Variants in TAB2 observed in about 807,000 individuals in gnomAD.
The protein encoded by TAB2 is TGF-beta-activated kinase 1 and MAP3K7-binding protein 2.
Under a neutral mutation model 65.0 loss-of-function variants are expected in TAB2, and 3 were observed. That is an observed-to-expected ratio of 0.05 (90% CI 0.02 to 0.12). The LOEUF is 0.12. Among genes scored for constraint, TAB2 ranks in the 10% least tolerant of loss-of-function variants. TAB2 has a pLI of 1.00. For missense variants in TAB2, 623 were observed against 840.3 expected, an observed-to-expected ratio of 0.74 and a Z score of 3.20; for synonymous variants, 298 against 285.1, an observed-to-expected ratio of 1.05 and a Z score of -0.46.
chr6:149,377,814 TAGTCAGAG>T (rs1192724444), intron 2 of TAB2, among the ~76,000 whole-genome samples, 196 bp from the exon 3 acceptor site: 5 of 152,022 alleles, frequency 3.3e-5, no homozygotes, highest in African/African-American at 7.2e-5. Context: ...TTCACTTTGT[TAGTCAGAG>T]AGAGCTTTTC....
In TAB2 at chr6:149,399,189, G is replaced by GT. The variant is rs770486050; in HGVS notation, c.1939+6dup. ...CTGTGCCACCAAAACCCAAAGGTTAGTGTATCCATTAAATGTGAAAACTGT... is the reference window on the plus strand; with the variant it reads ...CTGTGCCACCAAAACCCAAAGGTTAGTTGTATCCATTAAATGTGAAAACTGT... On this transcript the variant is annotated splice_donor_region_variant and intron_variant, in intron 6 of 6. Coordinates refer to ENST00000637181, the MANE Select transcript of TAB2 (RefSeq NM_001292034.3). The GT allele has an allele frequency of 5.0e-6, 8 of 1,612,556 alleles. No individual in the cohort carries two copies. The highest frequency in any genetic ancestry group is 6.8e-6 in the Non-Finnish European group (8 of 1,178,932).
At position 149,397,971 on chromosome 6, in the gene TAB2, TGAA is replaced by T. The variant is rs781741565; in HGVS notation, c.1771_1773del (p.Glu591del). 8.1e-6 allele frequency: 13 copies of T among 1,613,162 alleles called. No individual in the cohort carries two copies. The East Asian group carries it at 1.8e-4, about 22-fold the overall frequency. On this transcript the variant is annotated inframe_deletion, in exon 5 of 7. Transcript: ENST00000637181. ...ACTTACATAGAATTATTTTTCAGCT[TGAA>T]GAAATGCAGCAGCTGAGAAGTTGTA...
chr6:149,301,796 T>C (rs1326718705), intron 1 of TAB2, among the ~76,000 whole-genome samples: 1 of 152,200 alleles, frequency 6.6e-6, no homozygotes, highest in Non-Finnish European at 1.5e-5. Context: ...TTTAAAATCT[T>C]ATTTTTATAA....
At chr6:149,276,949 GT>G (rs1302732363) in intron 1 of TAB2, among the ~76,000 whole-genome samples, 2 of 152,166 alleles carry the variant, frequency 1.3e-5, no homozygotes, top group Non-Finnish European at 2.9e-5. Context: ...CATGGGGGTG[GT>G]TTCCCCCATA....
intron 1 of TAB2, among the ~76,000 whole-genome samples, chr6:149,225,561 G>A (rs960017115): frequency 7.2e-5 from 11 of 152,128 alleles, no homozygotes; most frequent in Non-Finnish European, 1.0e-4. Flanking sequence ...ACAGAGCAGG[G>A]CAAAGGACAG....
In TAB2 at chr6:149,379,477, G is replaced by A. The variant is rs768565483; in HGVS notation, c.1562G>A (p.Arg521Gln). 2.5e-5 allele frequency: 41 copies of A among 1,614,034 alleles called. No individual in the cohort carries two copies. The highest frequency in any genetic ancestry group is 3.2e-5 in the Non-Finnish European group (38 of 1,180,002). ...LAHVDRISETRKLSMGSDDAA... is the reference protein window; with the variant it reads ...LAHVDRISETQKLSMGSDDAA... Reference sequence around the variant, plus strand: ...CATGTGGATAGAATAAGTGAAACACGGAAACTGAGTATGGGATCTGATGAT... The same window carrying A: ...CATGTGGATAGAATAAGTGAAACACAGAAACTGAGTATGGGATCTGATGAT... The change falls in exon 3 of 7, where the codon CGG becomes CAG. Residue 521 changes from arginine (R) to glutamine (Q), a missense_variant. By Grantham distance (43) the Arg-to-Gln change is conservative. Transcript: ENST00000637181.
At chr6:149,270,344 T>C (rs1562395105) in intron 1 of TAB2, among the ~76,000 whole-genome samples, 1 of 152,204 alleles carries the variant, frequency 6.6e-6, no homozygotes, top group Non-Finnish European at 1.5e-5. Context: ...CTTTATCAGA[T>C]ATATGTTTTG....
intron 6 of TAB2, among the ~76,000 whole-genome samples, chr6:149,403,313 TACAC>T (rs1242180541): frequency 3.0e-5 from 2 of 66,870 alleles, no homozygotes; most frequent in Non-Finnish European, 5.8e-5. Context: ...TATATATATA[TACAC>T]ACACATATAT....
In TAB2 at chr6:149,298,118, GA is replaced by G. The variant is rs1189442699; in HGVS notation, c.-121+79350del. Among the ~76,000 whole-genome samples the G allele has an allele frequency of 5.3e-5, 8 of 151,708 alleles. 1 individual carries two copies. In the South Asian group the frequency reaches 1.5e-3, roughly 28 times the overall value. On this transcript the variant is annotated intron_variant, in intron 1 of 1. Transcript: ENST00000606202. ...ATTAGTACTAAATCACAATTTAATT[GA>G]AAAAAAATTAAGCAGTCTTAAAGGA...
chr6:149,312,981 A>G (rs573148), upstream of TAB2, among the ~76,000 whole-genome samples: 57,337 of 151,680 alleles, frequency 0.38, 10,778 homozygotes, highest in Admixed American at 0.43. Context: ...CCGTTATCTC[A>G]TCCTTTTGTA....
chr6:149,379,161 T>C lies in TAB2; in HGVS notation c.1246T>C (p.Ser416Pro), dbSNP rs764481514. The C allele has an allele frequency of 6.2e-7, 1 of 1,614,182 alleles. No individual in the cohort carries two copies. The highest frequency in any genetic ancestry group is 8.5e-7 in the Non-Finnish European group (1 of 1,180,024). ...CTTCATATCCACAAACTCTGGAGCA[T>C]CTGCTGCCTCCAGGAACATGTCTGG... ...TLFISTNSGA[S>P]AASRNMSGQV... Residue 416 changes from serine to proline, a missense_variant, in exon 3 of 7, where the codon TCT becomes CCT. Around this residue, in one of 3 missense-constraint regions of TAB2, gnomAD observed 550 missense variants for 665.7 expected, o/e 0.83. Transcript: ENST00000637181.
intron 1 of TAB2, among the ~76,000 whole-genome samples, chr6:149,263,214 G>C (rs970632848): frequency 1.3e-5 from 2 of 152,174 alleles, no homozygotes; most frequent in South Asian, 4.1e-4. Flanking sequence ...AAAATGCTGA[G>C]AGGTTTTGAT....
chr6:149,280,612 C>G (rs528646771), intron 1 of TAB2, among the ~76,000 whole-genome samples: 5 of 152,248 alleles, frequency 3.3e-5, no homozygotes, highest in Non-Finnish European at 5.9e-5. Context: ...GAATTCCATA[C>G]TCAGCTAAAA....
At chr6:149,310,533 C>T (rs995215048) in intron 1 of TAB2, among the ~76,000 whole-genome samples, 1 of 151,438 alleles carries the variant, frequency 6.6e-6, no homozygotes, top group Non-Finnish European at 1.5e-5. Flanking sequence ...TTTGTTTTCT[C>T]AACCTTATGT....
intron 6 of TAB2, among the ~76,000 whole-genome samples, chr6:149,409,367 C>T (rs928045254): frequency 1.3e-5 from 2 of 151,994 alleles, no homozygotes; most frequent in Non-Finnish European, 2.9e-5. Context: ...GAGGTGATTA[C>T]ATCATGTTCA....
intron 1 of TAB2, among the ~76,000 whole-genome samples, chr6:149,257,927 CAGAG>C (rs1778073544): frequency 6.6e-6 from 1 of 152,172 alleles, no homozygotes; most frequent in African/African-American, 2.4e-5. Flanking sequence ...AAATGCTAGA[CAGAG>C]AGAAGTTCAA....
chr6:149,288,480 A>G (rs915198130), intron 1 of TAB2, among the ~76,000 whole-genome samples: 5 of 152,194 alleles, frequency 3.3e-5, no homozygotes, highest in Admixed American at 6.5e-5. Flanking sequence ...GATGTGAATG[A>G]TAAGGGAGAG....
intron 1 of TAB2, among the ~76,000 whole-genome samples, chr6:149,219,090 G>A (rs1047018670): frequency 1.3e-5 from 2 of 152,138 alleles, no homozygotes; most frequent in Non-Finnish European, 2.9e-5. Context: ...AATTACAATA[G>A]TCTCTGGGGA....
intron 3 of TAB2, 107 bp from the exon 4 acceptor site, chr6:149,397,497 A>G: frequency 7.6e-7 from 1 of 1,310,602 alleles, no homozygotes; most frequent in Non-Finnish European, 1.1e-6. Context: ...TTTTGTTTTA[A>G]TGTAGCTTTG....
Sources: gnomAD v4.1 joint callset for allele counts (sites outside exome capture counted in the v4.1 genomes callset) on GRCh38, gnomAD v4.1.1 for gene constraint, gnomAD v4.1.1 regional missense constraint, MANE v1.5 for transcripts, NCBI Gene and HGNC (gene_info 2026-07-23, HGNC 2026-07-21) for gene names.